Variants in INTS2 observed in about 807,000 individuals in gnomAD.
INTS2 encodes the protein integrator complex subunit 2, also known as KIAA1287.
A neutral mutation model predicts 139.6 loss-of-function variants in INTS2; 57 were observed. The ratio of observed to expected loss-of-function variants is 0.41; its 90% CI spans 0.33 to 0.51. The LOEUF is 0.51. Ranked by LOEUF, INTS2 falls within the 20% of genes least tolerant of loss-of-function variation. INTS2 has a pLI of 0.28. For synonymous variants in INTS2, 473 were observed against 493.4 expected, an observed-to-expected ratio of 0.96 and a Z score of 0.55; for missense variants, 1,196 against 1,436.7, an observed-to-expected ratio of 0.83 and a Z score of 2.71.
At chr17:61,895,146 G>A (rs1168345125) in intron 12 of INTS2, among the ~76,000 whole-genome samples, 169 bp downstream of exon 12, 1 of 152,014 alleles carries the variant, frequency 6.6e-6, no homozygotes, top group East Asian at 1.9e-4. Context: ...TTTTAAAAGT[G>A]TATTTTAAAT....
chr17:61,895,920 A>G (rs2079343121), intron 11 of INTS2, among the ~76,000 whole-genome samples: 1 of 152,172 alleles, frequency 6.6e-6, no homozygotes, highest in Non-Finnish European at 1.5e-5. Flanking sequence ...AACATTTCTA[A>G]GCATAAGAGC....
chr17:61,894,003 C>T lies in INTS2; in HGVS notation c.1564-104G>A. On this transcript the variant is annotated intron_variant, in intron 12 of 24. Coordinates refer to ENST00000251334, the MANE Select transcript of INTS2 (RefSeq NM_001351695.2). ...TGTCAACACCTAATACAAGTGTGGTCCCTAGAAATGAATGATGAAAATAAA... is the reference window on the plus strand; with the variant it reads ...TGTCAACACCTAATACAAGTGTGGTTCCTAGAAATGAATGATGAAAATAAA... 4 of 605,500 alleles carry T rather than the reference C, an allele frequency of 6.6e-6. 1 individual carries two copies. In the South Asian group the frequency reaches 1.6e-4, roughly 25 times the overall value. The allele number at this position is 605,500 out of a possible 1,614,324, so 37.5% of individuals were successfully genotyped here.
rs2079078814 is a variant in INTS2 at position 61,870,297 on chromosome 17, T to C, written c.2779-309A>G. Among the ~76,000 whole-genome samples the C allele has an allele frequency of 6.6e-6, 1 of 152,194 alleles. No individual in the cohort carries two copies. Among genetic ancestry groups the C allele is most frequent in the African/African-American group, 2.4e-5 (1 of 41,442 alleles). The stretch of plus-strand genomic sequence containing the variant: ...CTAAAATAGATCCATGGACTCCAGT[T>C]TAAGAATATCTACTAGAAGAGTATC... On this transcript the variant is annotated intron_variant, in intron 20 of 24. Transcript: ENST00000251334. This position sits in a 1 kb window ranked among gnomAD's most constrained non-coding sequence, Gnocchi z 4.4.
chr17:61,889,713 A>C (rs538584584), intron 15 of INTS2, 73 bp downstream of exon 15: 2 of 712,380 alleles, frequency 2.8e-6, no homozygotes, highest in Non-Finnish European at 4.8e-6. Flanking sequence ...ATCAAAGAAC[A>C]GTTTGGAAAG....
intron 15 of INTS2, among the ~76,000 whole-genome samples, chr17:61,886,230 T>C (rs188923607): frequency 4.1e-4 from 63 of 152,270 alleles, no homozygotes; most frequent in Admixed American, 9.8e-4. Context: ...TTTGCATTTT[T>C]AGTAGAGACG....
chr17:61,906,978 A>AC lies in INTS2; in HGVS notation c.1181+429_1181+430insG, dbSNP rs1482953999. 1.5e-3 allele frequency among the ~76,000 whole-genome samples: 224 copies of AC among 151,616 alleles called. 2 individuals carry two copies. The highest frequency in any genetic ancestry group is 2.1e-3 in the Non-Finnish European group (144 of 67,846). On this transcript the variant is annotated intron_variant, in intron 8 of 24. Transcript: ENST00000251334. ...GATTCCATCTCAAAAAAAAAAAAAA[A>AC]AAAAAACATTGTACTTATTAATCAC...
chr17:61,868,983 G>T lies in INTS2; in HGVS notation c.3244+51C>A. On this transcript the variant is annotated intron_variant, in intron 23 of 24. Transcript: ENST00000251334. The surrounding 1 kb of genome is among the most constrained non-coding windows in gnomAD (Gnocchi z 4.7). ...GCATCACTAAATGCAGAAAATATAG[G>T]AACTATAATAATTTATGTCAGATGT... 9.4e-7 allele frequency: 1 copy of T among 1,059,140 alleles called. No homozygotes were observed. The highest frequency in any genetic ancestry group is 1.5e-6 in the Non-Finnish European group (1 of 688,204). The allele number at this position is 1,059,140 out of a possible 1,614,324, so 65.6% of individuals were successfully genotyped here.
At chr17:61,914,280 G>C (rs191930656) in intron 5 of INTS2, among the ~76,000 whole-genome samples, 1 of 152,280 alleles carries the variant, frequency 6.6e-6, no homozygotes, top group African/African-American at 2.4e-5. Context: ...CAATAAAGAA[G>C]TCTATTTTGT....
intron 15 of INTS2, among the ~76,000 whole-genome samples, chr17:61,888,567 G>GCA (rs57911466): frequency 1.7e-5 from 1 of 57,266 alleles, no homozygotes; most frequent in East Asian, 1.1e-3. Context: ...GTGCGTGCGT[G>GCA]TGTGTGTGTG....
Position 61,891,660 on chromosome 17 carries a change from G to GGTTTCACAC in INTS2, c.1719_1727dup (p.Cys574_Thr576dup). 6.2e-7 allele frequency: 1 copy of GGTTTCACAC among 1,612,410 alleles called. No homozygotes were observed. The highest frequency in any genetic ancestry group is 8.5e-7 in the Non-Finnish European group (1 of 1,178,848). ...GTAATTGAGGATGAAGTGGAGTAGA[G>GGTTTCACAC]GTTTCACACAGCTGTCTATAAATCC... On this transcript the variant is annotated inframe_insertion, in exon 14 of 25. Transcript: ENST00000251334.
rs1186554920 is a variant in INTS2 at position 61,868,875 on chromosome 17, A to C, written c.3244+159T>G. Among the ~76,000 whole-genome samples, 3 of 152,228 alleles carry C rather than the reference A, an allele frequency of 2.0e-5. No homozygotes were observed. Among genetic ancestry groups the C allele is most frequent in the African/African-American group, 7.2e-5 (3 of 41,464 alleles). On this transcript the variant is annotated intron_variant, in intron 23 of 24. Transcript: ENST00000251334. This position sits in a 1 kb window ranked among gnomAD's most constrained non-coding sequence, Gnocchi z 4.7. Reference sequence around the variant, plus strand: ...TTTGTAAACAGAAGTTTCCAAAAGAAGAATTCAAAAGACGGCATAAGTTAA... The same window carrying C: ...TTTGTAAACAGAAGTTTCCAAAAGACGAATTCAAAAGACGGCATAAGTTAA...
intron 15 of INTS2, among the ~76,000 whole-genome samples, chr17:61,889,240 C>T (rs2079264271): frequency 6.6e-6 from 1 of 151,906 alleles, no homozygotes; most frequent in African/African-American, 2.4e-5. Flanking sequence ...GCATGAGCCA[C>T]CACACCTGGC....
chr17:61,869,237 A>G lies in INTS2; in HGVS notation c.3138+36T>C, dbSNP rs770134089. 8.1e-6 allele frequency: 12 copies of G among 1,480,124 alleles called. No homozygotes were observed. Among genetic ancestry groups the G allele is most frequent in the Non-Finnish European group, 1.1e-5 (12 of 1,066,714 alleles). The allele number at this position is 1,480,124 out of a possible 1,614,324, so 91.7% of individuals were successfully genotyped here. A position where few individuals can be genotyped will look rare whatever the true frequency, so the allele number is the denominator to read the frequency against. On this transcript the variant is annotated intron_variant, in intron 22 of 24. Coordinates refer to ENST00000251334, the MANE Select transcript of INTS2 (RefSeq NM_001351695.2). The surrounding 1 kb of genome is among the most constrained non-coding windows in gnomAD (Gnocchi z 5.4). ...GTATAACTAGTAAGACTGGAGAGAG[A>G]GATCAATTGTCCTAAAGCTCCAAAA...
intron 9 of INTS2, among the ~76,000 whole-genome samples, chr17:61,903,938 T>C (rs1235106141): frequency 6.6e-6 from 1 of 152,020 alleles, no homozygotes; most frequent in Non-Finnish European, 1.5e-5. Flanking sequence ...TACAAACATA[T>C]TATTACAGAT....
Position 61,927,546 on chromosome 17 carries a change from C to T in INTS2, c.-19+108G>A, listed in dbSNP as rs2079729985. 4.2e-6 allele frequency: 3 copies of T among 711,632 alleles called. No individual in the cohort carries two copies. In the African/African-American group the frequency reaches 5.7e-5, roughly 13 times the overall value. The allele number at this position is 711,632 out of a possible 1,614,324, so 44.1% of individuals were successfully genotyped here. A position where few individuals can be genotyped will look rare whatever the true frequency, so the allele number is the denominator to read the frequency against. ...AAGACCTGCGTGCTCCTCCGTCTCGCCCCGGGCGCAACTAGAACCAATAAG... is the reference window on the plus strand; with the variant it reads ...AAGACCTGCGTGCTCCTCCGTCTCGTCCCGGGCGCAACTAGAACCAATAAG... On this transcript the variant is annotated intron_variant, in intron 1 of 24. Coordinates refer to ENST00000251334, the MANE Select transcript of INTS2 (RefSeq NM_001351695.2).
rs2079126140 is a variant in INTS2, at chr17:61,876,265, A to G, written c.2457-1227T>C. ...CATATGAGAATAATTCAGCATCTCA[A>G]AAAAGTTAAGTTTACCACACTCTCT... On this transcript the variant is annotated intron_variant, in intron 18 of 24. Transcript: ENST00000251334. This position sits in a 1 kb window ranked among gnomAD's most constrained non-coding sequence, Gnocchi z 4.1. 6.6e-6 allele frequency among the ~76,000 whole-genome samples: 1 copy of G among 152,226 alleles called. No individual in the cohort carries two copies. Among genetic ancestry groups the G allele is most frequent in the African/African-American group, 2.4e-5 (1 of 41,466 alleles).
At chr17:61,900,899 G>A (rs535334107) in intron 9 of INTS2, among the ~76,000 whole-genome samples, 14 of 151,982 alleles carry the variant, frequency 9.2e-5, no homozygotes, top group African/African-American at 1.9e-4. Flanking sequence ...CAGAGGTTGC[G>A]GTGAGCCGAG....
chr17:61,918,490 C>G (rs945545517), intron 5 of INTS2, among the ~76,000 whole-genome samples: 1 of 152,118 alleles, frequency 6.6e-6, no homozygotes, highest in Non-Finnish European at 1.5e-5. Context: ...GATGCACCCA[C>G]CTCGGCCTCC....
chr17:61,892,565 G>A (rs1482648088), intron 13 of INTS2, among the ~76,000 whole-genome samples: 5 of 152,170 alleles, frequency 3.3e-5, no homozygotes, highest in African/African-American at 1.2e-4. Context: ...GCCGAAGTAG[G>A]AGAATTGCTT....
Sources: allele counts gnomAD v4.1 joint callset (sites outside exome capture counted in the v4.1 genomes callset), GRCh38; gene constraint gnomAD v4.1.1; non-coding constraint Gnocchi (gnomAD v3.1); transcripts MANE v1.5; gene names NCBI Gene and HGNC (gene_info 2026-07-23, HGNC 2026-07-21).